Variants in UPF3A observed in about 807,000 individuals in gnomAD.
The protein encoded by UPF3A is UPF3A regulator of nonsense mediated mRNA decay.
UPF3A carries 42 observed loss-of-function variants against 53.5 expected under a neutral mutation model. The ratio of observed to expected loss-of-function variants is 0.78; its 90% CI spans 0.61 to 1.01. The LOEUF (loss-of-function observed/expected upper bound fraction) is 1.01, where lower values mean the gene tolerates loss of function less well. Ranked by LOEUF, UPF3A falls within the 50% of genes least tolerant of loss-of-function variation. The probability of loss-of-function intolerance (pLI) is 0.00; values close to 1 mark genes in which losing one functional copy is unlikely to be tolerated. For missense variants in UPF3A, 575 were observed against 598.0 expected, an observed-to-expected ratio of 0.96 and a Z score of 0.40; for synonymous variants, 237 against 225.3, an observed-to-expected ratio of 1.05 and a Z score of -0.47.
chr13:114,287,978 T>A (rs1450179954), intron 5 of UPF3A, among the ~76,000 whole-genome samples: 2 of 152,144 alleles, frequency 1.3e-5, no homozygotes, highest in Non-Finnish European at 2.9e-5. Context: ...AGCTAATTTT[T>A]ATATTTTTGT....
At chr13:114,283,360 A>G (rs1327485838) in intron 3 of UPF3A, 2 of 153,220 alleles carry the variant, frequency 1.3e-5, no homozygotes, top group Non-Finnish European at 2.9e-5. Flanking sequence ...GACTAAAATA[A>G]GTTTATAAAT....
intron 7 of UPF3A, among the ~76,000 whole-genome samples, chr13:114,295,865 G>T (rs1344917094): frequency 2.0e-5 from 3 of 152,182 alleles, no homozygotes; most frequent in East Asian, 1.9e-4. Flanking sequence ...GGAATCTGCA[G>T]TAATATGAGT....
intron 7 of UPF3A, among the ~76,000 whole-genome samples, chr13:114,297,221 C>T (rs1467813059): frequency 1.3e-5 from 2 of 150,070 alleles, no homozygotes; most frequent in Non-Finnish European, 3.0e-5. Flanking sequence ...GTGGTGCTTC[C>T]GTTTTTTTTT....
intron 5 of UPF3A, among the ~76,000 whole-genome samples, chr13:114,289,023 C>CA (rs2085014063): frequency 6.6e-6 from 1 of 151,972 alleles, no homozygotes. Flanking sequence ...TTGGGGCAGA[C>CA]ACGTGGCTCC....
chr13:114,303,784 C>T (rs1350446374), intron 9 of UPF3A, among the ~76,000 whole-genome samples: 13 of 152,126 alleles, frequency 8.5e-5, no homozygotes, highest in Non-Finnish European at 1.6e-4. Flanking sequence ...GTAACTTTGT[C>T]TCAGAAAAAA....
intron 7 of UPF3A, among the ~76,000 whole-genome samples, chr13:114,294,841 G>A (rs1594805080): frequency 2.1e-5 from 3 of 142,642 alleles, no homozygotes; most frequent in South Asian, 4.4e-4. Flanking sequence ...GCTGGACCGC[G>A]GTGGCTCACA....
rs370451114 is a variant in UPF3A at position 114,298,977 on chromosome 13, C to T, written c.984C>T (p.Gly328=). The T allele has an allele frequency of 1.7e-5, 28 of 1,602,966 alleles. No homozygotes were observed. The highest frequency in any genetic ancestry group is 8.8e-5 in the Admixed American group (5 of 56,544). Residue 328 remains glycine, a synonymous_variant, in exon 8 of 10, where the codon GGC becomes GGT. Transcript: ENST00000375299. ...GAVVKARPME[G]SLEEPQETSH... is the part of the protein sequence containing the mutation. ...TCGTAAAAGCCAGGCCCATGGAAGGCTCGCTGGAGGAGCCCCAGGAGACGT... is the reference window on the plus strand; with the variant it reads ...TCGTAAAAGCCAGGCCCATGGAAGGTTCGCTGGAGGAGCCCCAGGAGACGT...
At position 114,282,852 on chromosome 13, in the gene UPF3A, C is replaced by T. The variant is rs140048035; in HGVS notation, c.330C>T (p.Leu110=). The T allele has an allele frequency of 9.3e-6, 15 of 1,608,452 alleles. No homozygotes were observed. The highest frequency in any genetic ancestry group is 2.7e-5 in the African/African-American group (2 of 74,750). ...FAADLSLYPH[L]YSRAYINFRN... is the part of the protein sequence containing the mutation. ...CTTATTTCAGTCTTTATCCTCATCT[C>T]TACTCAAGAGCATACATTAATTTTA... Residue 110 remains leucine (L), a synonymous_variant, in exon 3 of 10, where the codon CTC becomes CTT. Transcript: ENST00000375299.
intron 5 of UPF3A, chr13:114,287,705 T>G (rs1282112161): frequency 6.6e-6 from 1 of 152,260 alleles, no homozygotes; most frequent in Non-Finnish European, 1.5e-5. Context: ...GGAACTATAT[T>G]TTCATCTTCA....
In UPF3A at chr13:114,281,757, CAGG is replaced by C. The variant is rs1566714570; in HGVS notation, c.122_124del (p.Glu41del). 4 of 1,557,804 alleles carry C rather than the reference CAGG, an allele frequency of 2.6e-6. No individual in the cohort carries two copies. The Admixed American group carries it at 7.7e-5, about 30-fold the overall frequency. ...GCAGTTCCACCGCGACTCGCAGCAG[CAGG>C]AGGCTGAGACGCCGCCAACTTCGTC... On this transcript the variant is annotated inframe_deletion, in exon 1 of 10. Transcript: ENST00000375299.
intron 5 of UPF3A, among the ~76,000 whole-genome samples, chr13:114,288,038 C>T (rs2084900096): frequency 6.6e-6 from 1 of 152,206 alleles, no homozygotes; most frequent in Admixed American, 6.5e-5. Flanking sequence ...CTCCTGATCT[C>T]AGATGATCCG....
rs751258285 is a variant in UPF3A at position 114,281,608 on chromosome 13, G to A, written c.-32G>A. ...GAGCTCTCGCGAGGTTTCGTCGGGG[G>A]CTGGCGGCTGCGGCTCGGCGGAGAG... On this transcript the variant is annotated 5_prime_UTR_variant, in exon 1 of 10. Transcript: ENST00000375299. 5.7e-6 allele frequency: 8 copies of A among 1,403,466 alleles called. No individual in the cohort carries two copies. In the South Asian group the frequency reaches 6.0e-5, roughly 10 times the overall value. 86.9% of individuals were successfully genotyped at this position (1,403,466 alleles called of 1,614,324 possible).
intron 7 of UPF3A, among the ~76,000 whole-genome samples, chr13:114,294,256 T>A (rs1432686354): frequency 1.4e-5 from 2 of 140,572 alleles, no homozygotes; most frequent in Non-Finnish European, 3.0e-5. Context: ...TTTTGCTATT[T>A]TTTTGTTTGG....
rs138978493 is a variant in UPF3A at position 114,285,849 on chromosome 13, G to A, written c.422-453G>A. ...TTGAATTAACCTTTTAAAATAAAAT[G>A]TAAAGTGTAGCTAAGAAATCATTAT... On this transcript the variant is annotated intron_variant, in intron 3 of 9. Coordinates refer to ENST00000375299, the MANE Select transcript of UPF3A (RefSeq NM_023011.4). 2.1e-3 allele frequency: 325 copies of A among 155,538 alleles called. 3 individuals carry two copies. Among genetic ancestry groups the A allele is most frequent in the African/African-American group, 7.5e-3 (310 of 41,598 alleles). The allele number at this position is 155,538 out of a possible 1,614,324, so 9.6% of individuals were successfully genotyped here.
chr13:114,305,035 A>C lies in UPF3A; in HGVS notation c.*118A>C, dbSNP rs1338328769. ...CTTACCAGGAAACTGGAAGCTAAAA[A>C]TACAGAGGGTGACGTAGAAACACGC... On this transcript the variant is annotated 3_prime_UTR_variant, in exon 10 of 10. Transcript: ENST00000375299. 1 of 1,357,498 alleles carries C rather than the reference A, an allele frequency of 7.4e-7. No homozygotes were observed. The highest frequency in any genetic ancestry group is 2.5e-5 in the East Asian group (1 of 39,236). The allele number at this position is 1,357,498 out of a possible 1,614,324, so 84.1% of individuals were successfully genotyped here.
At chr13:114,297,973 A>T (rs1213424079) in intron 7 of UPF3A, among the ~76,000 whole-genome samples, 1 of 152,142 alleles carries the variant, frequency 6.6e-6, no homozygotes, top group African/African-American at 2.4e-5. Flanking sequence ...GCACCACTGC[A>T]CTCCAACCTG....
In UPF3A at chr13:114,291,718, A is replaced by G. The variant is rs773204437; in HGVS notation, c.772A>G (p.Arg258Gly). The change falls in exon 7 of 10, where the codon AGA becomes GGA. Residue 258 changes from arginine (R) to glycine (G), a missense_variant. Physicochemically the swap from Arg to Gly is moderately radical, Grantham distance 125. Transcript: ENST00000375299. ...RLREEEKRRR[R>G]EEERCKKKET... ...GCGGGAAGAGGAAAAAAGAAGAAGA[A>G]GAGAAGAAGAAAGATGCAAAAAAAA... 3.8e-6 allele frequency: 6 copies of G among 1,599,822 alleles called. No individual in the cohort carries two copies. The highest frequency in any genetic ancestry group is 1.1e-5 in the South Asian group (1 of 89,402).
intron 7 of UPF3A, among the ~76,000 whole-genome samples, chr13:114,293,383 TA>T (rs111799077): frequency 0.06 from 8,725 of 145,314 alleles, 297 homozygotes; most frequent in Middle Eastern, 0.16. Flanking sequence ...GACTCTGTCT[TA>T]AAAAAAAAAA....
chr13:114,301,018 C>T (rs1056969697), intron 8 of UPF3A, among the ~76,000 whole-genome samples: 2 of 147,488 alleles, frequency 1.4e-5, no homozygotes, highest in Non-Finnish European at 2.9e-5. Flanking sequence ...ACCATGTTGA[C>T]CAGGCTGGTC....
Sources: allele counts gnomAD v4.1 joint callset (sites outside exome capture counted in the v4.1 genomes callset), GRCh38; gene constraint gnomAD v4.1.1; transcripts MANE v1.5; gene names NCBI Gene and HGNC (gene_info 2026-07-23, HGNC 2026-07-21).